DPP6: variants seen among roughly 807,000 people sequenced by gnomAD.
DPP6 encodes the protein dipeptidyl peptidase like 6, also known as A-type potassium channel modulatory protein DPP6.
A neutral mutation model predicts 122.6 loss-of-function variants in DPP6; 69 were observed. The ratio of observed to expected loss-of-function variants is 0.56; its 90% confidence interval spans 0.46 to 0.69. DPP6 has a LOEUF of 0.69. DPP6 is among the 30% of genes least tolerant of loss of function. DPP6 has a pLI of 0.00. For missense variants in DPP6, 928 were observed against 1,116.9 expected (o/e 0.83, Z 2.41); for synonymous variants, 418 against 433.1 (o/e 0.97, Z 0.43).
intron 1 of DPP6, among the ~76,000 whole-genome samples, chr7:154,067,512 C>T (rs1041376871): frequency 6.6e-6 from 1 of 152,082 alleles, no homozygotes; most frequent in South Asian, 2.1e-4. Flanking sequence ...GGTATGTGGG[C>T]CTGGAGACTC....
intron 1 of DPP6, among the ~76,000 whole-genome samples, chr7:154,136,948 T>C (rs1056788016): frequency 6.6e-6 from 1 of 152,222 alleles, no homozygotes; most frequent in Non-Finnish European, 1.5e-5. Context: ...GTGTGCTCAG[T>C]GAAAATGCAC....
At position 154,794,221 on chromosome 7, in the gene DPP6, G is replaced by T. The variant is rs756826466; in HGVS notation, c.1260+19G>T. On this transcript the variant is annotated intron_variant, in intron 11 of 25. Coordinates refer to ENST00000377770, the MANE Select transcript of DPP6 (RefSeq NM_130797.4). ...CACGAAGGTACGCGGGGCTGTGGGGGTGGAGGGGAGACGGGTGAAGAACCG... is the reference window on the plus strand; with the variant it reads ...CACGAAGGTACGCGGGGCTGTGGGGTTGGAGGGGAGACGGGTGAAGAACCG... The T allele has an allele frequency of 6.9e-6, 11 of 1,592,120 alleles. No homozygotes were observed. The highest frequency in any genetic ancestry group is 9.4e-6 in the Non-Finnish European group (11 of 1,166,958).
chr7:154,847,536 T>G (rs1280848889), intron 16 of DPP6, among the ~76,000 whole-genome samples: 1 of 152,246 alleles, frequency 6.6e-6, no homozygotes, highest in African/African-American at 2.4e-5. Context: ...TCTTTCATTT[T>G]TATTCATCAT....
intron 3 of DPP6, among the ~76,000 whole-genome samples, chr7:154,525,730 C>G (rs1827352917): frequency 6.7e-6 from 1 of 149,512 alleles, no homozygotes. Flanking sequence ...CATAAAATGT[C>G]TATTGGTTTT....
At position 154,241,004 on chromosome 7, in the gene DPP6, T is replaced by C. The variant is rs1801556307; in HGVS notation, c.243+187941T>C. On this transcript the variant is annotated intron_variant, in intron 1 of 25. Coordinates refer to ENST00000377770, the MANE Select transcript of DPP6 (RefSeq NM_130797.4). This position sits in a 1 kb window ranked among gnomAD's most constrained non-coding sequence, Gnocchi z 9.0. ...AAGGTGTGATTTAAGGAATTCAACC[T>C]AAGAATAGTAGGCCAGCTCATTCTC... is the stretch of plus-strand genomic sequence containing the variant. 6.6e-6 allele frequency among the ~76,000 whole-genome samples: 1 copy of C among 152,192 alleles called. No individual in the cohort carries two copies. The highest frequency in any genetic ancestry group is 2.4e-5 in the African/African-American group (1 of 41,430).
At chr7:154,126,341 C>T (rs1807884645) in intron 1 of DPP6, among the ~76,000 whole-genome samples, 1 of 152,050 alleles carries the variant, frequency 6.6e-6, no homozygotes, top group Admixed American at 6.5e-5. Flanking sequence ...ATTTTTTATC[C>T]AAATGGGGTC....
chr7:154,674,435 T>G (rs1303401717), intron 7 of DPP6, among the ~76,000 whole-genome samples: 1 of 152,186 alleles, frequency 6.6e-6, no homozygotes, highest in Non-Finnish European at 1.5e-5. Context: ...ATTTGCTGGT[T>G]GATCTGCAAG....
chr7:154,256,408 T>C (rs1802663597), intron 1 of DPP6, among the ~76,000 whole-genome samples: 1 of 152,090 alleles, frequency 6.6e-6, no homozygotes, highest in African/African-American at 2.4e-5. Context: ...TGGAACCAAA[T>C]GGAAACTGGA....
the DPP6 span, among the ~76,000 whole-genome samples, chr7:153,837,811 C>T: frequency 6.7e-6 from 1 of 149,486 alleles, no homozygotes; most frequent in Non-Finnish European, 1.5e-5. Flanking sequence ...GCTGGGACTA[C>T]AGGCACCTGC....
intron 17 of DPP6, among the ~76,000 whole-genome samples, chr7:154,859,552 C>T (rs1803158520): frequency 2.0e-5 from 3 of 152,226 alleles, no homozygotes; most frequent in Admixed American, 2.0e-4. Flanking sequence ...CCCTCCTCTC[C>T]CCCACTGACC....
At chr7:154,306,126 CG>C (rs1192018320) in intron 1 of DPP6, among the ~76,000 whole-genome samples, 1 of 152,184 alleles carries the variant, frequency 6.6e-6, no homozygotes, top group Non-Finnish European at 1.5e-5. Flanking sequence ...GAAGGATAGA[CG>C]GTCGGGATAA....
chr7:154,152,219 G>C lies in DPP6; in HGVS notation c.243+99156G>C, dbSNP rs952019108. On this transcript the variant is annotated intron_variant, in intron 1 of 25. Coordinates refer to ENST00000377770, the MANE Select transcript of DPP6 (RefSeq NM_130797.4). ...AGCAGTGGGGTAGGCTTGCCACATG[G>C]AAGAGAGCAGGTGAAGGAGGAGACA... Among the ~76,000 whole-genome samples the C allele has an allele frequency of 9.6e-4, 146 of 152,070 alleles. 3 individuals are homozygous for C. Among genetic ancestry groups the C allele is most frequent in the Non-Finnish European group, 3.8e-4 (26 of 68,006 alleles).
In DPP6 at chr7:154,436,775, C is replaced by G. The variant is rs76760111; in HGVS notation, c.244-9439C>G. ...CTTCCTCTTTCCAGTGGCAACTTCTCTCTCCCCGTTGAGTTATGCAGCATC... is the reference window on the plus strand; with the variant it reads ...CTTCCTCTTTCCAGTGGCAACTTCTGTCTCCCCGTTGAGTTATGCAGCATC... On this transcript the variant is annotated intron_variant, in intron 1 of 25. Coordinates refer to ENST00000377770, the MANE Select transcript of DPP6 (RefSeq NM_130797.4). 6.1e-3 allele frequency among the ~76,000 whole-genome samples: 925 copies of G among 152,342 alleles called. 6 individuals are homozygous for G. The highest frequency in any genetic ancestry group is 9.4e-3 in the Non-Finnish European group (641 of 68,032).
intron 1 of DPP6, among the ~76,000 whole-genome samples, chr7:153,962,123 A>G (rs1224427309): frequency 6.6e-6 from 1 of 151,724 alleles, no homozygotes; most frequent in African/African-American, 2.4e-5. Flanking sequence ...TAAAGGCAGC[A>G]TGAATGCTTC....
chr7:154,680,694 T>A (rs148397102), intron 7 of DPP6, among the ~76,000 whole-genome samples: 19,211 of 149,436 alleles, frequency 0.13, 1,545 homozygotes, highest in Non-Finnish European at 0.18. Context: ...ATATTTTTTT[T>A]AAAAAAAAAT....
rs185641056 is a variant in DPP6, at chr7:154,812,741, T to C, written c.1666+5629T>C. ...ACACTCAGTCCATTGTAATCATAGC[T>C]GATTGTAGCTCATCAGTTGTTTGCA... On this transcript the variant is annotated intron_variant, in intron 16 of 25. Transcript: ENST00000377770. Among the ~76,000 whole-genome samples, 11 of 152,342 alleles carry C rather than the reference T, an allele frequency of 7.2e-5. No individual in the cohort carries two copies. In the East Asian group the frequency reaches 2.1e-3, roughly 29 times the overall value.
At chr7:154,078,484 C>T (rs971109254) in intron 1 of DPP6, among the ~76,000 whole-genome samples, 5 of 151,748 alleles carry the variant, frequency 3.3e-5, no homozygotes, top group Admixed American at 6.6e-5. Flanking sequence ...GTCTTAGATA[C>T]GAGCAATATG....
chr7:153,863,239 C>G, the DPP6 span, among the ~76,000 whole-genome samples: 1 of 152,102 alleles, frequency 6.6e-6, no homozygotes, highest in Admixed American at 6.6e-5. Flanking sequence ...CCAGCTTTAC[C>G]CATGTCCCTG....
chr7:154,455,070 C>T (rs530162176), intron 2 of DPP6, among the ~76,000 whole-genome samples: 3 of 152,306 alleles, frequency 2.0e-5, no homozygotes, highest in South Asian at 4.1e-4. Flanking sequence ...GGCTCCATCT[C>T]TCTGCTGCCA....
Sources: gnomAD v4.1 joint callset for allele counts (sites outside exome capture counted in the v4.1 genomes callset) on GRCh38, gnomAD v4.1.1 for gene constraint, Gnocchi (gnomAD v3.1) non-coding constraint, MANE v1.5 for transcripts, NCBI Gene and HGNC (gene_info 2026-07-23, HGNC 2026-07-21) for gene names.